The following CPNE4 variants were observed in gnomAD, a reference collection of about 807,000 sequenced individuals.
CPNE4 encodes the protein copine 4.
A neutral mutation model predicts 67.9 loss-of-function variants in CPNE4; 25 were observed. That is an observed-to-expected ratio of 0.37 (90% CI 0.27 to 0.51). CPNE4 has a LOEUF of 0.51. CPNE4 is among the 20% of genes least tolerant of loss of function. The pLI, the probability that CPNE4 is intolerant of heterozygous loss-of-function variation, is 0.93. For synonymous variants in CPNE4, 242 were observed against 244.9 expected (o/e 0.99, Z 0.11); for missense variants, 464 against 690.8 (o/e 0.67, Z 3.68).
chr3:131,661,225 T>C (rs1221847374), intron 7 of CPNE4, among the ~76,000 whole-genome samples: 1 of 152,158 alleles, frequency 6.6e-6, no homozygotes, highest in Non-Finnish European at 1.5e-5. Context: ...TCAGTAAATA[T>C]TAGCTGTTTT....
At chr3:131,753,962 TA>T (rs934357900) in intron 2 of CPNE4, among the ~76,000 whole-genome samples, 8 of 152,100 alleles carry the variant, frequency 5.3e-5, no homozygotes, top group Admixed American at 2.6e-4. Context: ...CACCACCATG[TA>T]AAAAATATGA....
intron 7 of CPNE4, among the ~76,000 whole-genome samples, chr3:131,626,884 T>G (rs2079086623): frequency 6.6e-6 from 1 of 152,028 alleles, no homozygotes; most frequent in South Asian, 2.1e-4. Context: ...ACGCTGAAAA[T>G]CTTAGGTTCC....
At chr3:131,593,426 A>G (rs1938657243) in intron 7 of CPNE4, among the ~76,000 whole-genome samples, 1 of 152,188 alleles carries the variant, frequency 6.6e-6, no homozygotes, top group South Asian at 2.1e-4. Context: ...ATGCTATTGT[A>G]AAAGGAAGTA....
intron 1 of CPNE4, among the ~76,000 whole-genome samples, chr3:131,952,986 G>C (rs1414254172): frequency 2.0e-5 from 3 of 151,910 alleles, no homozygotes; most frequent in African/African-American, 7.2e-5. Context: ...TCCACTCAGG[G>C]TTAAATGGAT....
At chr3:131,874,236 C>T (rs185795875) in intron 2 of CPNE4, among the ~76,000 whole-genome samples, 3 of 152,020 alleles carry the variant, frequency 2.0e-5, no homozygotes, top group Admixed American at 6.6e-5. Flanking sequence ...CTACAGGCGC[C>T]CTCCACCACG....
At chr3:131,817,515 C>G (rs190133151) in intron 2 of CPNE4, among the ~76,000 whole-genome samples, 8 of 152,210 alleles carry the variant, frequency 5.3e-5, no homozygotes, top group Admixed American at 1.3e-4. Context: ...GCCAAGACAG[C>G]CATTGGAGGG....
chr3:131,584,669 A>G (rs1242513420), intron 8 of CPNE4, among the ~76,000 whole-genome samples: 1 of 152,218 alleles, frequency 6.6e-6, no homozygotes, highest in Non-Finnish European at 1.5e-5. Flanking sequence ...TTCTCTAGCT[A>G]GAACACTTTG....
At chr3:131,795,140 C>A (rs1466133832) in intron 2 of CPNE4, among the ~76,000 whole-genome samples, 1 of 151,788 alleles carries the variant, frequency 6.6e-6, no homozygotes, top group East Asian at 1.9e-4. Context: ...AGTGAGTTGA[C>A]AAAAAAAATC....
chr3:131,824,360 C>T (rs9850253), intron 2 of CPNE4, among the ~76,000 whole-genome samples: 30,994 of 152,100 alleles, frequency 0.2, 3,890 homozygotes, highest in Non-Finnish European at 0.27. Flanking sequence ...AAGAACTATC[C>T]ATATCTAACT....
chr3:131,896,874 A>G (rs1265515153), intron 2 of CPNE4, among the ~76,000 whole-genome samples: 1 of 152,102 alleles, frequency 6.6e-6, no homozygotes, highest in African/African-American at 2.4e-5. Context: ...TCTCTACAAA[A>G]TGCTCAGGAA....
intron 2 of CPNE4, among the ~76,000 whole-genome samples, chr3:131,897,300 G>A (rs1458124236): frequency 6.6e-6 from 1 of 152,026 alleles, no homozygotes; most frequent in Non-Finnish European, 1.5e-5. Context: ...CTATGTGAAT[G>A]TCAGTTTTCT....
intron 2 of CPNE4, among the ~76,000 whole-genome samples, chr3:131,872,822 G>A (rs1016745440): frequency 6.6e-6 from 1 of 152,166 alleles, no homozygotes; most frequent in Non-Finnish European, 1.5e-5. Context: ...CCTTTAGCTA[G>A]GCCCCCAGTT....
At chr3:131,854,041 C>T (rs1445453294) in intron 2 of CPNE4, among the ~76,000 whole-genome samples, 3 of 151,648 alleles carry the variant, frequency 2.0e-5, no homozygotes, top group Non-Finnish European at 4.4e-5. Flanking sequence ...TGTATTTTCC[C>T]AAAAGAAACA....
rs28720902 is a variant in CPNE4, at chr3:131,717,862, T to C, written c.360+5584A>G. ...CCTTCCTTCCTTCCTCGCTCCCTCC[T>C]TTCTTTCTTTCTTTTCTTTCTTTCT... On this transcript the variant is annotated intron_variant, in intron 3 of 15. Transcript: ENST00000429747. 1.1e-3 allele frequency among the ~76,000 whole-genome samples: 6 copies of C among 5,540 alleles called. 1 individual carries two copies. The highest frequency in any genetic ancestry group is 2.2e-3 in the African/African-American group (3 of 1,346). The allele number at this position is 5,540 out of a possible 152,430, so 3.6% of individuals were successfully genotyped here. A position where few individuals can be genotyped will look rare whatever the true frequency, so the allele number is the denominator to read the frequency against.
chr3:131,748,953 TTTTG>T (rs1472713846), intron 2 of CPNE4, among the ~76,000 whole-genome samples: 1 of 152,086 alleles, frequency 6.6e-6, no homozygotes, highest in Non-Finnish European at 1.5e-5. Flanking sequence ...CTATTTTTAA[TTTTG>T]TTTATTTTTG....
intron 5 of CPNE4, 143 bp from the exon 6 acceptor site, chr3:131,686,101 T>G (rs2080881891): frequency 5.0e-6 from 3 of 598,292 alleles, no homozygotes; most frequent in Non-Finnish European, 8.9e-6. Flanking sequence ...TGTCCTCTCT[T>G]CCTGCCCAGT....
At chr3:131,787,735 T>C (rs1386238494) in intron 2 of CPNE4, among the ~76,000 whole-genome samples, 1 of 152,156 alleles carries the variant, frequency 6.6e-6, no homozygotes, top group Non-Finnish European at 1.5e-5. Context: ...CTTACTTCCA[T>C]CTTGTGTAAG....
chr3:131,801,386 T>TG (rs1491551641), intron 2 of CPNE4, among the ~76,000 whole-genome samples: 3 of 84,506 alleles, frequency 3.6e-5, no homozygotes. Context: ...TATATATATA[T>TG]GGTACATATA....
At chr3:131,898,293 G>A (rs36022518) in intron 2 of CPNE4, among the ~76,000 whole-genome samples, 6,502 of 152,054 alleles carry the variant, frequency 0.043, 196 homozygotes, top group Non-Finnish European at 0.066. Context: ...TCTTTCAAAT[G>A]ACCAGCATGG....
Sources: allele counts gnomAD v4.1 joint callset (sites outside exome capture counted in the v4.1 genomes callset), GRCh38; gene constraint gnomAD v4.1.1; transcripts MANE v1.5; gene names NCBI Gene and HGNC (gene_info 2026-07-23, HGNC 2026-07-21).